Variants in ZNF536 observed in about 807,000 individuals in gnomAD.
ZNF536 encodes zinc finger protein 536.
Under a neutral mutation model 84.5 loss-of-function variants are expected in ZNF536, and 13 were observed. The observed-to-expected ratio is 0.15, with a 90% CI of 0.10 to 0.24. ZNF536 has a LOEUF of 0.24. Among genes scored for constraint, ZNF536 ranks in the 10% least tolerant of loss-of-function variants. ZNF536 has a pLI of 1.00. For synonymous variants in ZNF536, 811 were observed against 742.5 expected (o/e 1.09, Z -1.50); for missense variants, 1,536 against 1,747.5 (o/e 0.88, Z 2.16).
rs1460611662 is a variant in ZNF536 at position 30,443,926 on chromosome 19, G to A, written c.364G>A (p.Asp122Asn). 2 of 1,613,692 alleles carry A rather than the reference G, an allele frequency of 1.2e-6. No individual in the cohort carries two copies. The highest frequency in any genetic ancestry group is 2.2e-5 in the East Asian group (1 of 44,886). The stretch of plus-strand genomic sequence containing the variant: ...CATGTCCCAGATGAGCGACATCGAG[G>A]ACGACGCCCGCAAGAACCGCAAGTA... Reference protein sequence around the residue: ...GIMSQMSDIEDDARKNRKYPC... With the variant: ...GIMSQMSDIENDARKNRKYPC... The change falls in exon 2 of 5, where the codon GAC becomes AAC. Residue 122 changes from aspartate to asparagine, a missense_variant. Asp to Asn is a conservative substitution (Grantham distance 23). This residue lies in a region of ZNF536 where 161 missense variants were observed against 178.5 expected (regional missense o/e 0.90). Transcript: ENST00000355537.
At chr19:30,634,207 C>A (rs2048986095) in intron 1 of ZNF536, among the ~76,000 whole-genome samples, 1 of 152,182 alleles carries the variant, frequency 6.6e-6, no homozygotes. Flanking sequence ...AGGCGCGGTG[C>A]TGGCTTTCTC....
chr19:30,476,150 C>G (rs1388937412), intron 2 of ZNF536, among the ~76,000 whole-genome samples: 2 of 152,160 alleles, frequency 1.3e-5, no homozygotes, highest in Non-Finnish European at 2.9e-5. Context: ...CTTTTCCTCC[C>G]TGGGGTTAGG....
At chr19:30,550,090 G>C (rs151211047) in intron 4 of ZNF536, among the ~76,000 whole-genome samples, 2 of 152,190 alleles carry the variant, frequency 1.3e-5, no homozygotes, top group African/African-American at 2.4e-5. Flanking sequence ...CCAAATGGCA[G>C]TTACTGTGAC....
At position 30,705,401 on chromosome 19, in the gene ZNF536, T is replaced by C. The variant is rs533456558; in HGVS notation, c.170-5356T>C. ...AAATTGTGTATAAACTAACACATTA[T>C]GTGTGTGTGTATGTGTGTTTGAGCC... is the stretch of plus-strand genomic sequence containing the variant. On this transcript the variant is annotated intron_variant, in intron 1 of 1. Coordinates refer to the ZNF536 transcript ENST00000592773. Among the ~76,000 whole-genome samples the C allele has an allele frequency of 7.1e-4, 108 of 152,216 alleles. 1 individual carries two copies. The highest frequency in any genetic ancestry group is 2.6e-3 in the African/African-American group (106 of 41,512).
chr19:30,292,332 T>C (rs2045867616), intron 2 of ZNF536, among the ~76,000 whole-genome samples: 1 of 148,752 alleles, frequency 6.7e-6, no homozygotes, highest in Non-Finnish European at 1.5e-5. Context: ...TTTTTTTTTT[T>C]CTCTTTTTCT....
intron 2 of ZNF536, among the ~76,000 whole-genome samples, chr19:30,447,397 A>C (rs1028749086): frequency 1.3e-5 from 2 of 152,230 alleles, no homozygotes; most frequent in African/African-American, 4.8e-5. Context: ...AGAATTGTTA[A>C]GACACATAAA....
At chr19:30,695,140 G>A (rs1403503050) in intron 1 of ZNF536, among the ~76,000 whole-genome samples, 1 of 152,188 alleles carries the variant, frequency 6.6e-6, no homozygotes, top group Non-Finnish European at 1.5e-5. Context: ...AAGGCATGGT[G>A]GGGCATTCCA....
At chr19:30,350,482 A>G (rs1467191672) in intron 2 of ZNF536, among the ~76,000 whole-genome samples, 4 of 152,252 alleles carry the variant, frequency 2.6e-5, no homozygotes, top group Non-Finnish European at 5.9e-5. Flanking sequence ...TAATGTGTGC[A>G]ATCAATTACT....
intron 2 of ZNF536, among the ~76,000 whole-genome samples, chr19:30,488,235 C>T (rs1474535440): frequency 6.6e-6 from 1 of 152,168 alleles, no homozygotes; most frequent in Non-Finnish European, 1.5e-5. Flanking sequence ...CTCTCTAATG[C>T]TAGTTAGCAG....
rs1912715749 is a variant in ZNF536, at chr19:30,548,664, C to G, written c.3045C>G (p.Leu1015=). 1 of 1,614,076 alleles carries G rather than the reference C, an allele frequency of 6.2e-7. No individual in the cohort carries two copies. The highest frequency in any genetic ancestry group is 1.1e-5 in the South Asian group (1 of 91,080). ...FCAFTTSSME[L]MALHLQANHL... ...CTTTCACAACGTCCTCCATGGAGCT[C>G]ATGGCCCTTCATCTCCAGGCCAACC... The change falls in exon 4 of 5, where the codon CTC becomes CTG. Residue 1015 remains leucine (L), a synonymous_variant. Coordinates refer to ENST00000355537, the MANE Select transcript of ZNF536 (RefSeq NM_014717.3).
In ZNF536 at chr19:30,610,123, A is replaced by G. The variant is rs113657252; in HGVS notation, c.169+60609A>G. The stretch of plus-strand genomic sequence containing the variant: ...TGTGGAAAGACAAAAGCACATCCCC[A>G]GCCCTCAGAAACTTCTTTCTAGTGG... On this transcript the variant is annotated intron_variant, in intron 1 of 1. Coordinates refer to the ZNF536 transcript ENST00000592773. Among the ~76,000 whole-genome samples, 1,056 of 152,380 alleles carry G rather than the reference A, an allele frequency of 6.9e-3. 15 individuals carry two copies. The highest frequency in any genetic ancestry group is 0.024 in the African/African-American group (982 of 41,600).
chr19:30,537,196 G>A (rs986161846), intron 3 of ZNF536, among the ~76,000 whole-genome samples: 5 of 152,192 alleles, frequency 3.3e-5, no homozygotes, highest in African/African-American at 4.8e-5. Flanking sequence ...GCATTCCTGC[G>A]TCAATTCGTG....
intron 1 of ZNF536, among the ~76,000 whole-genome samples, chr19:30,417,238 C>A (rs778042448): frequency 3.4e-5 from 5 of 147,440 alleles, no homozygotes; most frequent in Admixed American, 1.4e-4. Context: ...TTCAGGTGAT[C>A]CGCCTGCCTT....
chr19:30,306,819 T>A (rs2046355359), intron 2 of ZNF536, among the ~76,000 whole-genome samples: 1 of 152,168 alleles, frequency 6.6e-6, no homozygotes, highest in Non-Finnish European at 1.5e-5. Context: ...ATGTGCTTTT[T>A]ACAATTTAGT....
chr19:30,682,628 T>A (rs1377537309), intron 1 of ZNF536, among the ~76,000 whole-genome samples: 1 of 152,216 alleles, frequency 6.6e-6, no homozygotes, highest in East Asian at 1.9e-4. Context: ...TCACGGTCCC[T>A]CCTGACGCTG....
At chr19:30,370,908 G>A (rs1442343857), upstream of ZNF536, among the ~76,000 whole-genome samples, 2 of 152,132 alleles carry the variant, frequency 1.3e-5, no homozygotes, top group Non-Finnish European at 2.9e-5. Flanking sequence ...CTTTGTGCTG[G>A]GTACAAAGGT....
intron 3 of ZNF536, among the ~76,000 whole-genome samples, chr19:30,353,624 G>A (rs1254713968): frequency 6.6e-6 from 1 of 152,130 alleles, no homozygotes; most frequent in Non-Finnish European, 1.5e-5. Flanking sequence ...AGACTGAGCT[G>A]TTTGGCTAGT....
At chr19:30,642,062 G>A (rs2049285805) in intron 1 of ZNF536, among the ~76,000 whole-genome samples, 2 of 152,158 alleles carry the variant, frequency 1.3e-5, no homozygotes, top group African/African-American at 4.8e-5. Context: ...TGTGTTGATG[G>A]GGGCCATTGC....
intron 1 of ZNF536, among the ~76,000 whole-genome samples, chr19:30,563,830 C>T (rs1168814973): frequency 6.6e-6 from 1 of 152,150 alleles, no homozygotes; most frequent in African/African-American, 2.4e-5. Context: ...AAGAGGGATT[C>T]CTAAGGGCCC....
Sources: allele counts gnomAD v4.1 joint callset (sites outside exome capture counted in the v4.1 genomes callset), GRCh38; gene constraint gnomAD v4.1.1; regional missense constraint gnomAD v4.1.1; transcripts MANE v1.5; gene names NCBI Gene and HGNC (gene_info 2026-07-23, HGNC 2026-07-21).